EIF5: variants seen among roughly 807,000 people sequenced by gnomAD.
EIF5 encodes the protein eukaryotic translation initiation factor 5.
EIF5 carries 10 observed loss-of-function variants against 48.3 expected under a neutral mutation model. The ratio of observed to expected loss-of-function variants is 0.21; its 90% CI spans 0.13 to 0.35. EIF5 has a LOEUF of 0.35. Among genes scored for constraint, EIF5 ranks in the 10% least tolerant of loss-of-function variants. The pLI is 1.00. For missense variants in EIF5, 397 were observed against 533.2 expected (o/e 0.74, Z 2.51); for synonymous variants, 237 against 173.1 (o/e 1.37, Z -2.90).
chr14:103,343,272 T>C lies in EIF5; in HGVS notation c.*2220T>C, dbSNP rs539355180. ...TTTTGTAGCCGTTGCTTTGGATTTGTGTTGGATGTATCCTGCAGTTACACT... is the reference window on the plus strand; with the variant it reads ...TTTTGTAGCCGTTGCTTTGGATTTGCGTTGGATGTATCCTGCAGTTACACT... On this transcript the variant is annotated 3_prime_UTR_variant, in exon 12 of 12. Transcript: ENST00000216554. The C allele has an allele frequency of 1.9e-4, 29 of 152,400 alleles. No individual in the cohort carries two copies. The highest frequency in any genetic ancestry group is 2.9e-4 in the Non-Finnish European group (20 of 68,028). 9.4% of individuals were successfully genotyped at this position (152,400 alleles called of 1,614,324 possible). A position where few individuals can be genotyped will look rare whatever the true frequency, so the allele number is the denominator to read the frequency against.
chr14:103,338,979 G>C, intron 8 of EIF5, 86 bp downstream of exon 8: 1 of 1,527,332 alleles, frequency 6.5e-7, no homozygotes, highest in Non-Finnish European at 8.8e-7. Context: ...AGTGTAATTA[G>C]GATTACTCTA....
intron 10 of EIF5, 139 bp downstream of exon 10, chr14:103,339,942 T>G: frequency 3.0e-6 from 3 of 996,870 alleles, no homozygotes; most frequent in Non-Finnish European, 4.3e-6. Context: ...CCCTGAAACC[T>G]CCACGTCCCG....
chr14:103,341,101 C>G lies in EIF5; in HGVS notation c.*49C>G, dbSNP rs772925514. 2.6e-6 allele frequency: 4 copies of G among 1,558,542 alleles called. No homozygotes were observed. Among genetic ancestry groups the G allele is most frequent in the Admixed American group, 1.7e-5 (1 of 59,716 alleles). The stretch of plus-strand genomic sequence containing the variant: ...ACAGTATAATGCTGCAAATTTTCCT[C>G]CATTATCAGCCAGAAGTGCAACATG... On this transcript the variant is annotated 3_prime_UTR_variant, in exon 12 of 12. Transcript: ENST00000216554.
At position 103,344,392 on chromosome 14, in the gene EIF5, G is replaced by A. The variant is rs2089388696; in HGVS notation, c.*3340G>A. 6.6e-6 allele frequency: 1 copy of A among 152,210 alleles called. No homozygotes were observed. Among genetic ancestry groups the A allele is most frequent in the Admixed American group, 6.5e-5 (1 of 15,280 alleles). The allele number at this position is 152,210 out of a possible 1,614,324, so 9.4% of individuals were successfully genotyped here. ...TGGGACCTAGACTGGGAGGTGCAAT[G>A]TCAGGACCTCCAGGTGAATGGTAGG... On this transcript the variant is annotated 3_prime_UTR_variant, in exon 12 of 12. Transcript: ENST00000216554.
Position 103,341,635 on chromosome 14 carries a change from C to T in EIF5, c.*583C>T, listed in dbSNP as rs550493516. ...GACTGATAATGAAATGACAGTGTAA[C>T]ATCTTAACCAAGAAGTAAATATGAC... On this transcript the variant is annotated 3_prime_UTR_variant, in exon 12 of 12. Coordinates refer to ENST00000216554, the MANE Select transcript of EIF5 (RefSeq NM_001969.5). 2.0e-5 allele frequency: 3 copies of T among 152,550 alleles called. No individual in the cohort carries two copies. The highest frequency in any genetic ancestry group is 1.3e-4 in the Admixed American group (2 of 15,348). 9.4% of individuals were successfully genotyped at this position (152,550 alleles called of 1,614,324 possible).
intron 4 of EIF5, 136 bp downstream of exon 4, chr14:103,336,253 G>T (rs1434082288): frequency 9.5e-6 from 9 of 949,436 alleles, no homozygotes; most frequent in Non-Finnish European, 1.2e-5. Context: ...TTTATTGGTT[G>T]CCATGAGTTT....
Position 103,340,867 on chromosome 14 carries a change from C to A in EIF5, c.1207-96C>A, listed in dbSNP as rs565665315. The A allele has an allele frequency of 2.5e-6, 3 of 1,220,812 alleles. No homozygotes were observed. In the African/African-American group the frequency reaches 4.4e-5, roughly 18 times the overall value. 75.6% of individuals were successfully genotyped at this position (1,220,812 alleles called of 1,614,324 possible). A position where few individuals can be genotyped will look rare whatever the true frequency, so the allele number is the denominator to read the frequency against. Reference sequence around the variant, plus strand: ...TTCCGTGAAGAAGAAATAGCTGCATCTAGGCAGTTTCCTCCTCTGTGACCA... The same window carrying A: ...TTCCGTGAAGAAGAAATAGCTGCATATAGGCAGTTTCCTCCTCTGTGACCA... On this transcript the variant is annotated intron_variant, in intron 11 of 11. Transcript: ENST00000216554.
In EIF5 at chr14:103,340,484, C is replaced by A; in HGVS notation, c.1129C>A (p.Pro377Thr). The part of the protein sequence containing the change: ...LAKEIRVKAE[P>T]FIKWLKEAEE... ...CAAAGAGATTCGTGTCAAAGCAGAA[C>A]CATTTATAAAATGGTTGAAGGAGGC... The change falls in exon 11 of 12, where the codon CCA (proline) becomes ACA (threonine). Residue 377 changes from proline to threonine, a missense_variant. Coordinates refer to ENST00000216554, the MANE Select transcript of EIF5 (RefSeq NM_001969.5). The A allele has an allele frequency of 6.2e-7, 1 of 1,611,672 alleles. No homozygotes were observed.
At position 103,338,409 on chromosome 14, in the gene EIF5, C is replaced by T. The variant is rs371044632; in HGVS notation, c.522C>T (p.Ser174=). The change falls in exon 7 of 12, where the codon TCC becomes TCT. Residue 174 remains serine, a synonymous_variant. Transcript: ENST00000216554. ...KGKDKENGSV[S]SSETPPPPPP... ...AAGACAAGGAAAATGGCTCCGTATC[C>T]AGCAGTGAGACACCACCACCACCAC... is the stretch of plus-strand genomic sequence containing the variant. The T allele has an allele frequency of 3.1e-6, 5 of 1,606,610 alleles. No homozygotes were observed. In the African/African-American group the frequency reaches 4.0e-5, roughly 13 times the overall value.
rs1301450514 is a variant in EIF5 at position 103,343,278 on chromosome 14, A to T, written c.*2226A>T. The T allele has an allele frequency of 6.6e-6, 1 of 152,226 alleles. No homozygotes were observed. Among genetic ancestry groups the T allele is most frequent in the African/African-American group, 2.4e-5 (1 of 41,432 alleles). 9.4% of individuals were successfully genotyped at this position (152,226 alleles called of 1,614,324 possible). A position where few individuals can be genotyped will look rare whatever the true frequency, so the allele number is the denominator to read the frequency against. ...AGCCGTTGCTTTGGATTTGTGTTGG[A>T]TGTATCCTGCAGTTACACTTGCCAG... On this transcript the variant is annotated 3_prime_UTR_variant, in exon 12 of 12. Transcript: ENST00000216554.
In EIF5 at chr14:103,338,058, A is replaced by C. The variant is rs899555053; in HGVS notation, c.440-269A>C. On this transcript the variant is annotated intron_variant, in intron 6 of 11. Transcript: ENST00000216554. ...GGGATCCTTAGGGCCACCTCTCCCTAGTGGAGGCATCATCACTTCATCTTA... is the reference window on the plus strand; with the variant it reads ...GGGATCCTTAGGGCCACCTCTCCCTCGTGGAGGCATCATCACTTCATCTTA... 3.8e-5 allele frequency: 22 copies of C among 580,646 alleles called. 1 individual carries two copies. Among genetic ancestry groups the C allele is most frequent in the Non-Finnish European group, 6.0e-5 (19 of 315,440 alleles). 36.0% of individuals were successfully genotyped at this position (580,646 alleles called of 1,614,324 possible). A position where few individuals can be genotyped will look rare whatever the true frequency, so the allele number is the denominator to read the frequency against.
At chr14:103,334,710 G>GGGCCCGGGCGCC (rs1212737577) in intron 2 of EIF5, 113 bp downstream of exon 2, 28 of 145,554 alleles carry the variant, frequency 1.9e-4, no homozygotes, top group Non-Finnish European at 3.5e-4. Context: ...GGGCGGGCGC[G>GGGCCCGGGCGCC]GGCCCGGGCG....
chr14:103,334,509 C>T lies in EIF5; in HGVS notation c.-297C>T, dbSNP rs1028664380. ...TCGCTGCGCTTCGCCTCCGCCTCCT[C>T]GGACTCGGACTCGGGTTTATATCGC... On this transcript the variant is annotated 5_prime_UTR_variant, in exon 2 of 12. Coordinates refer to ENST00000216554, the MANE Select transcript of EIF5 (RefSeq NM_001969.5). 2 of 152,410 alleles carry T rather than the reference C, an allele frequency of 1.3e-5. No homozygotes were observed. Among genetic ancestry groups the T allele is most frequent in the Non-Finnish European group, 2.9e-5 (2 of 68,074 alleles). The allele number at this position is 152,410 out of a possible 1,614,324, so 9.4% of individuals were successfully genotyped here.
At chr14:103,340,190 T>C (rs1050586092) in intron 10 of EIF5, among the ~76,000 whole-genome samples, 5 of 151,958 alleles carry the variant, frequency 3.3e-5, no homozygotes, top group African/African-American at 1.2e-4. Flanking sequence ...GAAGAAAAAA[T>C]GTCTTAATAT....
intron 10 of EIF5, 71 bp downstream of exon 10, chr14:103,339,874 T>C (rs1482636090): frequency 2.0e-6 from 3 of 1,515,362 alleles, no homozygotes. Context: ...TTGATTGTTT[T>C]TGGAGACGGA....
chr14:103,340,400 T>TA, intron 10 of EIF5, 27 bp from the exon 11 acceptor site: 1 of 1,585,778 alleles, frequency 6.3e-7, no homozygotes, highest in Non-Finnish European at 8.6e-7. Flanking sequence ...ATTCCTCAAC[T>TA]AAGAGACTTG....
intron 6 of EIF5, 128 bp from the exon 7 acceptor site, chr14:103,338,199 T>G (rs2089312291): frequency 1.6e-6 from 2 of 1,276,312 alleles, no homozygotes; most frequent in South Asian, 2.9e-5. Flanking sequence ...TAGGTAGCAT[T>G]GTGTGTGCTG....
At chr14:103,335,966 C>T (rs773747851) in intron 3 of EIF5, 34 bp downstream of exon 3, 3 of 1,613,890 alleles carry the variant, frequency 1.9e-6, no homozygotes, top group East Asian at 2.2e-5. Flanking sequence ...GTTGATAGCT[C>T]TTTTTGTAGA....
chr14:103,341,373 T>A lies in EIF5; in HGVS notation c.*321T>A. On this transcript the variant is annotated 3_prime_UTR_variant, in exon 12 of 12. Coordinates refer to ENST00000216554, the MANE Select transcript of EIF5 (RefSeq NM_001969.5). ...TGGTCGTTCTTCAGATGTTTGGCTC[T>A]GAATGACTTAAGCTGAAGTAACTGG... The A allele has an allele frequency of 9.3e-6, 2 of 214,332 alleles. No homozygotes were observed. Among genetic ancestry groups the A allele is most frequent in the South Asian group, 7.9e-5 (1 of 12,602 alleles). 13.3% of individuals were successfully genotyped at this position (214,332 alleles called of 1,614,324 possible).
Sources: gnomAD v4.1 joint callset for allele counts (sites outside exome capture counted in the v4.1 genomes callset) on GRCh38, gnomAD v4.1.1 for gene constraint, MANE v1.5 for transcripts, NCBI Gene and HGNC (gene_info 2026-07-23, HGNC 2026-07-21) for gene names.